KLHL2: variants seen among roughly 807,000 people sequenced by gnomAD.
KLHL2 encodes kelch like family member 2.
A neutral mutation model predicts 75.8 loss-of-function variants in KLHL2; 15 were observed. The ratio of observed to expected loss-of-function variants is 0.20; its 90% CI spans 0.13 to 0.30. The LOEUF is 0.30. Among genes scored for constraint, KLHL2 ranks in the 10% least tolerant of loss-of-function variants. The pLI is 1.00. For missense variants in KLHL2, 381 were observed against 741.0 expected (o/e 0.51, Z 5.64); for synonymous variants, 214 against 251.9 (o/e 0.85, Z 1.42).
intron 5 of KLHL2, among the ~76,000 whole-genome samples, chr4:165,280,299 C>G (rs1260619682): frequency 6.6e-6 from 1 of 152,214 alleles, no homozygotes; most frequent in Non-Finnish European, 1.5e-5. Context: ...AACTCACACC[C>G]TAATTAAGTA....
At chr4:165,291,173 T>A (rs538480738) in intron 5 of KLHL2, among the ~76,000 whole-genome samples, 81 of 152,336 alleles carry the variant, frequency 5.3e-4, no homozygotes, top group African/African-American at 1.9e-3. Context: ...CATTGTTTAG[T>A]TGAGTTGTTT....
At chr4:165,249,952 G>A (rs1475481121) in intron 4 of KLHL2, among the ~76,000 whole-genome samples, 20 of 151,918 alleles carry the variant, frequency 1.3e-4, no homozygotes, top group East Asian at 3.9e-4. Flanking sequence ...GTGAAACCCC[G>A]TCTCTACTAA....
At chr4:165,287,425 T>C (rs535396155) in intron 5 of KLHL2, among the ~76,000 whole-genome samples, 62 of 152,334 alleles carry the variant, frequency 4.1e-4, no homozygotes, top group African/African-American at 1.5e-3. Context: ...CTTCTGCCTC[T>C]TGCTATTGTG....
At chr4:165,246,572 G>A (rs991402195) in intron 4 of KLHL2, among the ~76,000 whole-genome samples, 49 of 152,240 alleles carry the variant, frequency 3.2e-4, no homozygotes, top group African/African-American at 1.1e-3. Context: ...TTGGAGGTAG[G>A]GTCAGTGGAA....
At chr4:165,228,522 G>C (rs1402603916) in intron 2 of KLHL2, among the ~76,000 whole-genome samples, 1 of 152,084 alleles carries the variant, frequency 6.6e-6, no homozygotes, top group African/African-American at 2.4e-5. Context: ...TTGATGGTTT[G>C]CTGCCAGTAA....
At chr4:165,234,809 G>A (rs1394690869) in intron 3 of KLHL2, among the ~76,000 whole-genome samples, 1 of 151,766 alleles carries the variant, frequency 6.6e-6, no homozygotes, top group Non-Finnish European at 1.5e-5. Flanking sequence ...ACACTTTCAT[G>A]ATTTGGAGGA....
At chr4:165,259,896 C>A (rs1394071920) in intron 4 of KLHL2, among the ~76,000 whole-genome samples, 1 of 151,992 alleles carries the variant, frequency 6.6e-6, no homozygotes, top group Non-Finnish European at 1.5e-5. Context: ...GTTTCTTCAT[C>A]ACACAAATTA....
chr4:165,220,588 T>A (rs1272458256), intron 2 of KLHL2, among the ~76,000 whole-genome samples: 1 of 152,144 alleles, frequency 6.6e-6, no homozygotes, highest in Non-Finnish European at 1.5e-5. Context: ...AATAAGAGAA[T>A]ATATTATTGA....
chr4:165,238,627 AG>A (rs769955227), intron 3 of KLHL2, 150 bp from the exon 4 acceptor site: 2 of 1,451,532 alleles, frequency 1.4e-6, no homozygotes, highest in East Asian at 5.1e-5. Context: ...TGGAAGAGGA[AG>A]GGGGGAGTAT....
intron 5 of KLHL2, among the ~76,000 whole-genome samples, chr4:165,276,003 T>C (rs13122048): frequency 1 from 151,983 of 151,988 alleles, 75,989 homozygotes; most frequent in Non-Finnish European, 1. Context: ...TGGCATGTGC[T>C]TGTAGTCCCA....
intron 1 of KLHL2, among the ~76,000 whole-genome samples, chr4:165,211,627 G>A (rs1187579718): frequency 3.3e-5 from 5 of 152,156 alleles, no homozygotes; most frequent in Admixed American, 1.3e-4. Flanking sequence ...TCTCCCCAGT[G>A]ATAGACAAAG....
intron 14 of KLHL2, among the ~76,000 whole-genome samples, chr4:165,318,282 T>C (rs980900209): frequency 2.6e-5 from 4 of 152,188 alleles, no homozygotes; most frequent in African/African-American, 7.2e-5. Context: ...ATTCCTGAGA[T>C]GTCCAAGAAA....
chr4:165,277,116 C>T (rs554728871), intron 5 of KLHL2, among the ~76,000 whole-genome samples: 1 of 152,180 alleles, frequency 6.6e-6, no homozygotes, highest in South Asian at 2.1e-4. Context: ...CAGCTGTTTT[C>T]CAACATATTG....
intron 2 of KLHL2, among the ~76,000 whole-genome samples, chr4:165,221,250 T>G (rs1737963793): frequency 6.6e-6 from 1 of 152,260 alleles, no homozygotes; most frequent in South Asian, 2.1e-4. Flanking sequence ...AAAAATAATT[T>G]ACTGTAATGA....
At chr4:165,219,823 A>G in intron 1 of KLHL2, 111 bp from the exon 2 acceptor site, 1 of 1,370,006 alleles carries the variant, frequency 7.3e-7, no homozygotes, top group South Asian at 1.5e-5. Context: ...GACTTCCTCT[A>G]AATAAGTAGG....
At chr4:165,222,707 G>A (rs1578982456) in intron 2 of KLHL2, among the ~76,000 whole-genome samples, 1 of 152,068 alleles carries the variant, frequency 6.6e-6, no homozygotes, top group African/African-American at 2.4e-5. Flanking sequence ...CTCTAAAGAG[G>A]CCTATTCCTT....
At position 165,313,252 on chromosome 4, in the gene KLHL2, G is replaced by A; in HGVS notation, c.1354G>A (p.Val452Ile). ...VGVVGGLLYA[V>I]GGYDGASRQC... ...TTTATGTGTAGGTTTGCTCTATGCT[G>A]TAGGAGGTTATGATGGAGCATCACG... The change falls in exon 12 of 15, where the codon GTA becomes ATA. Residue 452 changes from valine (V) to isoleucine (I), a missense_variant. By Grantham distance (29) the Val-to-Ile change is conservative. Around this residue, in one of 5 missense-constraint regions of KLHL2, gnomAD observed 168 missense variants for 370.4 expected, o/e 0.45. Transcript: ENST00000226725. 6.2e-7 allele frequency: 1 copy of A among 1,610,836 alleles called. No individual in the cohort carries two copies. The highest frequency in any genetic ancestry group is 1.1e-5 in the South Asian group (1 of 90,708).
intron 4 of KLHL2, among the ~76,000 whole-genome samples, chr4:165,259,663 C>G (rs921570597): frequency 3.3e-5 from 5 of 152,184 alleles, no homozygotes; most frequent in Non-Finnish European, 7.3e-5. Flanking sequence ...ATGGAAGTAA[C>G]TGCAATAATG....
At chr4:165,314,389 G>A (rs1437321233) in intron 13 of KLHL2, among the ~76,000 whole-genome samples, 1 of 152,116 alleles carries the variant, frequency 6.6e-6, no homozygotes, top group East Asian at 1.9e-4. Flanking sequence ...TGACACTTCA[G>A]TAAACTCATC....
Sources: allele counts gnomAD v4.1 joint callset (sites outside exome capture counted in the v4.1 genomes callset), GRCh38; gene constraint gnomAD v4.1.1; regional missense constraint gnomAD v4.1.1; transcripts MANE v1.5; gene names NCBI Gene and HGNC (gene_info 2026-07-23, HGNC 2026-07-21).